NXPE2: variants seen among roughly 807,000 people sequenced by gnomAD.
NXPE2 encodes neurexophilin and PC-esterase domain family member 2.
NXPE2 carries 34 observed loss-of-function variants against 34.4 expected under a neutral mutation model. The observed-to-expected ratio is 0.99, with a 90% CI of 0.75 to 1.31. The LOEUF (loss-of-function observed/expected upper bound fraction) is 1.31, where lower values mean the gene tolerates loss of function less well. NXPE2 is among the 40% of genes most tolerant of loss of function. The pLI, the probability that NXPE2 is intolerant of heterozygous loss-of-function variation, is 0.00. For missense variants in NXPE2, 649 were observed against 672.5 expected, an observed-to-expected ratio of 0.97 and a Z score of 0.39; for synonymous variants, 235 against 231.3, an observed-to-expected ratio of 1.02 and a Z score of -0.15.
chr11:114,756,955 T>G, the NXPE2 span, among the ~76,000 whole-genome samples: 1 of 152,152 alleles, frequency 6.6e-6, no homozygotes, highest in African/African-American at 2.4e-5. Context: ...AACCAATATG[T>G]CACTGCAGGA....
the NXPE2 span, among the ~76,000 whole-genome samples, chr11:114,538,430 G>A: frequency 6.6e-6 from 1 of 152,124 alleles, no homozygotes; most frequent in Non-Finnish European, 1.5e-5. Context: ...TTGACAAATG[G>A]GATCTAATTA....
chr11:114,474,397 A>G, the NXPE2 span, among the ~76,000 whole-genome samples: 1 of 152,226 alleles, frequency 6.6e-6, no homozygotes, highest in African/African-American at 2.4e-5. Context: ...ACCTTTTCCC[A>G]TAGGATCCTA....
At chr11:114,791,593 G>C in the NXPE2 span, among the ~76,000 whole-genome samples, 4 of 152,166 alleles carry the variant, frequency 2.6e-5, no homozygotes, top group African/African-American at 9.7e-5. Flanking sequence ...ATCAGACCCT[G>C]GGGAGAGGAA....
At chr11:114,783,255 G>A in the NXPE2 span, among the ~76,000 whole-genome samples, 1 of 152,138 alleles carries the variant, frequency 6.6e-6, no homozygotes, top group Non-Finnish European at 1.5e-5. Flanking sequence ...AAAACCTAAA[G>A]TTAAAACAAA....
the NXPE2 span, among the ~76,000 whole-genome samples, chr11:114,600,324 A>G: frequency 1.3e-5 from 2 of 152,122 alleles, no homozygotes; most frequent in Non-Finnish European, 2.9e-5. Context: ...TTTAAAAGTC[A>G]AAACAATTAA....
the NXPE2 span, among the ~76,000 whole-genome samples, chr11:114,623,295 G>A: frequency 6.6e-6 from 1 of 152,074 alleles, no homozygotes; most frequent in Non-Finnish European, 1.5e-5. Flanking sequence ...TTACCCAGTG[G>A]ATAACAATTA....
chr11:114,525,412 A>G, the NXPE2 span, among the ~76,000 whole-genome samples: 4 of 151,984 alleles, frequency 2.6e-5, no homozygotes, highest in Admixed American at 2.6e-4. Flanking sequence ...TACTAGGCTG[A>G]CCCACTCTAA....
the NXPE2 span, among the ~76,000 whole-genome samples, chr11:114,540,849 T>G: frequency 1.8e-5 from 1 of 54,908 alleles, no homozygotes; most frequent in Non-Finnish European, 3.0e-5. Context: ...TTTTTTTTTT[T>G]TTTTTTTTTT....
chr11:114,582,524 G>A, the NXPE2 span: 4 of 1,614,146 alleles, frequency 2.5e-6, no homozygotes, highest in Non-Finnish European at 3.4e-6. Flanking sequence ...CCCTGTCATA[G>A]CCTTGGTTCC....
At chr11:114,621,044 A>G in the NXPE2 span, among the ~76,000 whole-genome samples, 2 of 152,156 alleles carry the variant, frequency 1.3e-5, no homozygotes, top group Non-Finnish European at 2.9e-5. Context: ...GTGCACAATA[A>G]GTGTTGCCTC....
At chr11:114,573,926 A>T in the NXPE2 span, among the ~76,000 whole-genome samples, 2 of 152,116 alleles carry the variant, frequency 1.3e-5, no homozygotes, top group Non-Finnish European at 2.9e-5. Context: ...TTATCAGCAC[A>T]TGGAACATTC....
At chr11:114,522,626 C>G in the NXPE2 span, 1,816 of 831,340 alleles carry the variant, frequency 2.2e-3, 7 homozygotes, top group South Asian at 9.2e-3. Context: ...CCTTTCTACT[C>G]TCTAGGGTAC....
the NXPE2 span, among the ~76,000 whole-genome samples, chr11:114,598,883 T>C: frequency 2.6e-5 from 4 of 152,030 alleles, no homozygotes; most frequent in African/African-American, 9.6e-5. Context: ...CTGTGGAAGC[T>C]ACCAAGGCTT....
At chr11:114,795,555 G>GC in the NXPE2 span, among the ~76,000 whole-genome samples, 2 of 152,212 alleles carry the variant, frequency 1.3e-5, no homozygotes, top group South Asian at 4.1e-4. Context: ...AGTCCCTGTT[G>GC]CCCATCCTTG....
the NXPE2 span, among the ~76,000 whole-genome samples, chr11:114,483,124 T>G: frequency 1.3e-5 from 2 of 152,216 alleles, no homozygotes; most frequent in Admixed American, 6.5e-5. Context: ...ACATAAGTTT[T>G]GAAAGCAACA....
chr11:114,655,701 A>C, the NXPE2 span, among the ~76,000 whole-genome samples: 1 of 152,216 alleles, frequency 6.6e-6, no homozygotes, highest in African/African-American at 2.4e-5. Context: ...TTTTGGTAGC[A>C]GTACCATGCT....
the NXPE2 span, among the ~76,000 whole-genome samples, chr11:114,779,626 A>AC: frequency 6.6e-6 from 1 of 151,866 alleles, no homozygotes; most frequent in East Asian, 1.9e-4. Flanking sequence ...GGCTCAGAGG[A>AC]CCCCCTGAGA....
chr11:114,497,474 C>T, the NXPE2 span, among the ~76,000 whole-genome samples: 1 of 152,098 alleles, frequency 6.6e-6, no homozygotes, highest in Non-Finnish European at 1.5e-5. Context: ...ATCTTTTATA[C>T]TATATTTTAA....
the NXPE2 span, among the ~76,000 whole-genome samples, chr11:114,611,382 C>G: frequency 6.6e-6 from 1 of 151,744 alleles, no homozygotes; most frequent in African/African-American, 2.4e-5. Context: ...AGTGTTGCCT[C>G]GTGGGTAACC....
Sources: allele counts gnomAD v4.1 joint callset (sites outside exome capture counted in the v4.1 genomes callset), GRCh38; gene constraint gnomAD v4.1.1; transcripts MANE v1.5; gene names NCBI Gene and HGNC (gene_info 2026-07-23, HGNC 2026-07-21).